ADAM22: variants seen among roughly 807,000 people sequenced by gnomAD.
ADAM22 encodes the protein ADAM metallopeptidase domain 22.
ADAM22 carries 65 observed loss-of-function variants against 144.6 expected under a neutral mutation model. The ratio of observed to expected loss-of-function variants is 0.45; its 90% CI spans 0.37 to 0.55. ADAM22 has a LOEUF of 0.55. ADAM22 is among the 20% of genes least tolerant of loss of function. The pLI is 0.00. For synonymous variants in ADAM22, 391 were observed against 412.6 expected (o/e 0.95, Z 0.63); for missense variants, 974 against 1,184.9 (o/e 0.82, Z 2.61).
At chr7:87,981,234 T>C (rs1387062047) in intron 3 of ADAM22, among the ~76,000 whole-genome samples, 1 of 152,168 alleles carries the variant, frequency 6.6e-6, no homozygotes, top group Non-Finnish European at 1.5e-5. Flanking sequence ...GTTGGTTGTT[T>C]ATGATGTGAA....
At chr7:88,130,920 A>G (rs1831611082) in intron 10 of ADAM22, among the ~76,000 whole-genome samples, 1 of 152,092 alleles carries the variant, frequency 6.6e-6, no homozygotes, top group Non-Finnish European at 1.5e-5. Flanking sequence ...CTTGTATAGA[A>G]ATTATTTCTT....
intron 3 of ADAM22, among the ~76,000 whole-genome samples, chr7:88,069,457 T>C (rs1013252535): frequency 6.6e-6 from 1 of 152,214 alleles, no homozygotes. Flanking sequence ...TTCTGTCTCA[T>C]ATTTTTCACA....
chr7:88,166,653 T>C (rs73204128), intron 24 of ADAM22, among the ~76,000 whole-genome samples: 1,926 of 152,292 alleles, frequency 0.013, 26 homozygotes, highest in Non-Finnish European at 0.017. Flanking sequence ...AAAAGGAATA[T>C]GTTCATTCTA....
chr7:87,934,831 G>T (rs1299555547), intron 1 of ADAM22, 195 bp from the exon 2 acceptor site: 6 of 751,982 alleles, frequency 8.0e-6, no homozygotes, highest in Non-Finnish European at 1.3e-5. Context: ...CCCCGCTCCT[G>T]GTTGCTCTCG....
chr7:87,941,292 A>G (rs1339297245), intron 2 of ADAM22, among the ~76,000 whole-genome samples: 1 of 152,238 alleles, frequency 6.6e-6, no homozygotes, highest in Non-Finnish European at 1.5e-5. Context: ...GCCAAATGGC[A>G]GCAAGATGGC....
At chr7:88,057,835 G>T (rs970895633) in intron 3 of ADAM22, among the ~76,000 whole-genome samples, 4 of 152,144 alleles carry the variant, frequency 2.6e-5, no homozygotes, top group Admixed American at 6.5e-5. Context: ...AGGACTTACT[G>T]CTGGAGTCTT....
At chr7:88,153,190 C>G (rs1838960046) in intron 20 of ADAM22, 31 bp from the exon 21 acceptor site, 1 of 1,540,636 alleles carries the variant, frequency 6.5e-7, no homozygotes, top group African/African-American at 1.4e-5. Flanking sequence ...TCGTACTTCC[C>G]TCACTGATAG....
chr7:88,040,959 T>C (rs951634792), intron 3 of ADAM22, among the ~76,000 whole-genome samples: 5 of 152,052 alleles, frequency 3.3e-5, no homozygotes, highest in African/African-American at 7.2e-5. Context: ...CTCTCAGATC[T>C]TGTCCAATGG....
intron 26 of ADAM22, among the ~76,000 whole-genome samples, chr7:88,176,535 T>C (rs936074996): frequency 3.3e-5 from 5 of 152,158 alleles, no homozygotes; most frequent in Admixed American, 1.3e-4. Flanking sequence ...AGAAGTTACA[T>C]TGAAGGGATA....
chr7:88,061,884 C>A (rs1809988145), intron 3 of ADAM22, among the ~76,000 whole-genome samples: 1 of 148,926 alleles, frequency 6.7e-6, no homozygotes. Context: ...AGTTTGTGGC[C>A]CAGGCTGGAG....
At chr7:88,017,963 A>G (rs1394132299) in intron 3 of ADAM22, among the ~76,000 whole-genome samples, 1 of 152,106 alleles carries the variant, frequency 6.6e-6, no homozygotes, top group African/African-American at 2.4e-5. Flanking sequence ...ACAAAGTACC[A>G]CATTCTTCTC....
chr7:87,959,507 A>G (rs1010387082), intron 2 of ADAM22, among the ~76,000 whole-genome samples: 4 of 151,980 alleles, frequency 2.6e-5, no homozygotes, highest in Non-Finnish European at 1.5e-5. Flanking sequence ...TGGTGGAACA[A>G]TTTGCTCTCT....
At chr7:87,939,334 A>G (rs1842011933) in intron 2 of ADAM22, among the ~76,000 whole-genome samples, 1 of 152,226 alleles carries the variant, frequency 6.6e-6, no homozygotes. Flanking sequence ...AGGGACAGAT[A>G]AGATAAAACA....
intron 4 of ADAM22, among the ~76,000 whole-genome samples, chr7:88,083,043 G>A (rs1297244162): frequency 6.6e-6 from 1 of 152,180 alleles, no homozygotes; most frequent in African/African-American, 2.4e-5. Flanking sequence ...GCACATGTAT[G>A]TTTATTGTGG....
intron 3 of ADAM22, among the ~76,000 whole-genome samples, chr7:88,054,364 G>T (rs1393563368): frequency 3.3e-5 from 5 of 152,038 alleles, no homozygotes; most frequent in African/African-American, 9.7e-5. Context: ...GTAGGGCCCT[G>T]AGGTGATGTT....
intron 7 of ADAM22, among the ~76,000 whole-genome samples, chr7:88,123,387 T>C (rs1441207804): frequency 6.6e-6 from 1 of 152,100 alleles, no homozygotes; most frequent in Non-Finnish European, 1.5e-5. Flanking sequence ...CTTGTGGTTT[T>C]CTTGGAAAGT....
intron 14 of ADAM22, among the ~76,000 whole-genome samples, chr7:88,137,276 C>T (rs148718107): frequency 6.6e-6 from 1 of 152,154 alleles, no homozygotes; most frequent in Non-Finnish European, 1.5e-5. Flanking sequence ...TGCCATTCTC[C>T]TGCTGAGAAA....
Position 88,083,340 on chromosome 7 carries a change from G to T in ADAM22, c.390+7648G>T, listed in dbSNP as rs551332430. On this transcript the variant is annotated intron_variant, in intron 4 of 31. Transcript: ENST00000413139. ...CCTTTACACACTGGGGACTGTTGTG[G>T]GGTGGGGGACTGGGGGAGGGATAGC... Among the ~76,000 whole-genome samples, 165 of 152,212 alleles carry T rather than the reference G, an allele frequency of 1.1e-3. 1 individual carries two copies. Among genetic ancestry groups the T allele is most frequent in the African/African-American group, 3.6e-3 (150 of 41,530 alleles).
At chr7:88,040,525 C>A (rs1448144518) in intron 3 of ADAM22, among the ~76,000 whole-genome samples, 1 of 152,012 alleles carries the variant, frequency 6.6e-6, no homozygotes, top group South Asian at 2.1e-4. Flanking sequence ...TCTATACTTC[C>A]CCTGTCATCC....
Sources: allele counts gnomAD v4.1 joint callset (sites outside exome capture counted in the v4.1 genomes callset), GRCh38; gene constraint gnomAD v4.1.1; transcripts MANE v1.5; gene names NCBI Gene and HGNC (gene_info 2026-07-23, HGNC 2026-07-21).